Variants in GNL3L observed in about 807,000 individuals in gnomAD.
GNL3L encodes the protein G protein nucleolar 3 like, also known as guanine nucleotide-binding protein-like 3-like protein.
Under a neutral mutation model 42.9 loss-of-function variants are expected in GNL3L, and 4 were observed. That is an observed-to-expected ratio of 0.09 (90% confidence interval 0.05 to 0.21). The LOEUF (loss-of-function observed/expected upper bound fraction) is 0.21, where lower values mean the gene tolerates loss of function less well. Ranked by LOEUF, GNL3L falls within the 10% of genes least tolerant of loss-of-function variation. The pLI is 1.00. For missense variants in GNL3L, 412 were observed against 481.7 expected (o/e 0.86, Z 1.36); for synonymous variants, 159 against 176.3 (o/e 0.90, Z 0.78).
At chrX:54,554,833 T>C in intron 14 of GNL3L, 141 bp downstream of exon 14, 1 of 499,303 alleles carries the variant, frequency 2.0e-6, no homozygotes, top group Non-Finnish European at 3.4e-6. Flanking sequence ...CCTGGCCTAG[T>C]ATATCCTTTA....
the GNL3L span, among the ~76,000 whole-genome samples, chrX:54,633,978 G>T: frequency 8.9e-6 from 1 of 112,592 alleles, no homozygotes; most frequent in Non-Finnish European, 1.9e-5. Flanking sequence ...TTTCTGGTGC[G>T]AAATCAACTG....
At chrX:54,596,663 G>T (rs1458907162) in intron 16 of GNL3L, among the ~76,000 whole-genome samples, 1 of 112,069 alleles carries the variant, frequency 8.9e-6, no homozygotes, top group Non-Finnish European at 1.9e-5. Flanking sequence ...CCCAGGCTCT[G>T]GGCAGGTCCA....
At chrX:54,638,383 T>C in the GNL3L span, among the ~76,000 whole-genome samples, 1 of 112,193 alleles carries the variant, frequency 8.9e-6, no homozygotes, top group African/African-American at 3.2e-5. Flanking sequence ...AAGTGCTCAA[T>C]AAACATTAAG....
chrX:54,547,222 C>G (rs1235311311), intron 8 of GNL3L, among the ~76,000 whole-genome samples: 1 of 109,319 alleles, frequency 9.1e-6, no homozygotes, highest in African/African-American at 3.3e-5. Flanking sequence ...GTCTTAAACT[C>G]GTGACCTCAA....
chrX:54,537,684 G>A (rs1403642302), intron 2 of GNL3L, among the ~76,000 whole-genome samples: 1 of 110,682 alleles, frequency 9.0e-6, no homozygotes, highest in East Asian at 2.8e-4. Context: ...GAACTCCTAG[G>A]GTCAAGTGAT....
intron 8 of GNL3L, among the ~76,000 whole-genome samples, chrX:54,547,290 C>T (rs1455331202): frequency 9.0e-6 from 1 of 111,354 alleles, no homozygotes; most frequent in Non-Finnish European, 1.9e-5. Context: ...GCCACAGCAC[C>T]CGGCCAGAAG....
At chrX:54,631,957 C>T in the GNL3L span, among the ~76,000 whole-genome samples, 16,413 of 111,303 alleles carry the variant, frequency 0.15, 1,926 homozygotes, top group African/African-American at 0.41. Flanking sequence ...TCTTGCAGTG[C>T]TTGCTTAGTA....
At position 54,612,349 on chromosome X, in the gene GNL3L, G is replaced by A. The variant is rs1313084587; in HGVS notation, c.*46-8496G>A. The stretch of plus-strand genomic sequence containing the variant: ...GTCTCCTGAAGGCAGCAGATGGTTG[G>A]TGAGTTCTTATCCATTCTGCATCTT... On this transcript the variant is annotated intron_variant, in intron 16 of 16. Transcript: ENST00000674498. Among the ~76,000 whole-genome samples the A allele has an allele frequency of 5.4e-5, 6 of 111,743 alleles. No individual in the cohort carries two copies. In the Admixed American group the frequency reaches 5.7e-4, roughly 11 times the overall value.
At chrX:54,628,212 G>GGTGTGT in the GNL3L span, among the ~76,000 whole-genome samples, 333 of 95,787 alleles carry the variant, frequency 3.5e-3, no homozygotes, top group African/African-American at 8.3e-3. Flanking sequence ...AGTATTCCGT[G>GGTGTGT]GTGTGTGTGT....
chrX:54,644,038 T>C, the GNL3L span, among the ~76,000 whole-genome samples: 1 of 112,463 alleles, frequency 8.9e-6, no homozygotes, highest in Non-Finnish European at 1.9e-5. Flanking sequence ...AGGTTGATTC[T>C]GTGTCTTGAC....
the GNL3L span, among the ~76,000 whole-genome samples, chrX:54,636,915 A>C: frequency 3.0e-3 from 338 of 111,916 alleles, 2 homozygotes; most frequent in African/African-American, 0.01. Context: ...GCTCAGTCAA[A>C]TGGTAGCTCT....
intron 16 of GNL3L, among the ~76,000 whole-genome samples, chrX:54,609,955 CAA>C (rs1321477302): frequency 8.9e-6 from 1 of 111,843 alleles, no homozygotes; most frequent in African/African-American, 3.2e-5. Flanking sequence ...GTCATTTTCA[CAA>C]TATTTATTCT....
At chrX:54,633,313 G>T in the GNL3L span, among the ~76,000 whole-genome samples, 1 of 111,902 alleles carries the variant, frequency 8.9e-6, no homozygotes, top group Non-Finnish European at 1.9e-5. Flanking sequence ...TTGGAGCAGG[G>T]TTGTTCTGTT....
At chrX:54,567,476 G>A (rs1394173993), downstream of GNL3L, among the ~76,000 whole-genome samples, 3 of 109,384 alleles carry the variant, frequency 2.7e-5, no homozygotes, top group Admixed American at 9.9e-5. Context: ...GAGAAACCCC[G>A]TCTCTACTAA....
At chrX:54,577,773 T>A (rs1387209774) in intron 16 of GNL3L, among the ~76,000 whole-genome samples, 1 of 110,386 alleles carries the variant, frequency 9.1e-6, no homozygotes, top group Admixed American at 9.7e-5. Context: ...AGGGTCTCAC[T>A]CCCGTTGCCC....
At chrX:54,642,804 G>T in the GNL3L span, among the ~76,000 whole-genome samples, 5 of 111,868 alleles carry the variant, frequency 4.5e-5, no homozygotes, top group Admixed American at 3.8e-4. Flanking sequence ...TTATGTAATT[G>T]TTTATTGTCT....
At chrX:54,591,788 T>A (rs1041632095) in intron 16 of GNL3L, among the ~76,000 whole-genome samples, 1 of 111,122 alleles carries the variant, frequency 9.0e-6, no homozygotes. Context: ...AGGATAACAT[T>A]GGCTATTCTG....
At chrX:54,600,659 C>T (rs541809341) in intron 16 of GNL3L, among the ~76,000 whole-genome samples, 2 of 110,853 alleles carry the variant, frequency 1.8e-5, no homozygotes, top group African/African-American at 6.5e-5. Flanking sequence ...CAAGGGTAGG[C>T]TCTTTATTAT....
Position 54,543,043 on chromosome X carries a change from A to G in GNL3L, c.390+5A>G, listed in dbSNP as rs747514983. 8.7e-7 allele frequency: 1 copy of G among 1,145,286 alleles called. No individual in the cohort carries two copies. The highest frequency in any genetic ancestry group is 1.2e-6 in the Non-Finnish European group (1 of 835,103). 94.4% of individuals were successfully genotyped at this position (1,145,286 alleles called of 1,213,427 possible). Reference sequence around the variant, plus strand: ...TATTACAAGGAGTTCCGTAAGGTACAGGGTTCCATTTCTTCAGGCTTTTGC... The same window carrying G: ...TATTACAAGGAGTTCCGTAAGGTACGGGGTTCCATTTCTTCAGGCTTTTGC... On this transcript the variant is annotated splice_donor_5th_base_variant and intron_variant, in intron 6 of 15. Transcript: ENST00000360845.
Sources: allele counts gnomAD v4.1 joint callset (sites outside exome capture counted in the v4.1 genomes callset), GRCh38; gene constraint gnomAD v4.1.1; transcripts MANE v1.5; gene names NCBI Gene and HGNC (gene_info 2026-07-23, HGNC 2026-07-21).